The following CPNE9 variants were observed in gnomAD, a reference collection of about 807,000 sequenced individuals.
CPNE9 encodes the protein copine family member 9.
Under a neutral mutation model 83.0 loss-of-function variants are expected in CPNE9, and 59 were observed. The observed-to-expected ratio is 0.71, with a 90% CI of 0.58 to 0.88. CPNE9 has a LOEUF of 0.88. CPNE9 is among the 40% of genes least tolerant of loss of function. The pLI, the probability that CPNE9 is intolerant of heterozygous loss-of-function variation, is 0.00. For synonymous variants in CPNE9, 256 were observed against 273.4 expected, an observed-to-expected ratio of 0.94 and a Z score of 0.63; for missense variants, 619 against 720.8, an observed-to-expected ratio of 0.86 and a Z score of 1.62.
At position 9,712,745 on chromosome 3, in the gene CPNE9, G is replaced by A. The variant is rs543337789; in HGVS notation, c.462G>A (p.Leu154=). ...SNCRDIATMQ[L]CANKLDKKDF... ...CCTAGGACATTGCCACCATGCAGCT[G>A]TGTGCAAACAAGCTGGACAAGAAGG... The change falls in exon 9 of 21, where the codon CTG becomes CTA. Residue 154 remains leucine, a synonymous_variant. Transcript: ENST00000383832. The A allele has an allele frequency of 7.4e-6, 12 of 1,614,122 alleles. No homozygotes were observed. The highest frequency in any genetic ancestry group is 5.5e-5 in the South Asian group (5 of 91,080).
At position 9,705,717 on chromosome 3, in the gene CPNE9, G is replaced by A; in HGVS notation, c.298-1G>A. 6.2e-7 allele frequency: 1 copy of A among 1,613,934 alleles called. No individual in the cohort carries two copies. The highest frequency in any genetic ancestry group is 8.5e-7 in the Non-Finnish European group (1 of 1,179,826). ...TTGGCTGCCACTGCTGGGACCTGCA[G>A]AAGGTGAGGCTGAATGGGGCTGGGC... On this transcript the variant is annotated splice_acceptor_variant, in intron 5 of 20. Coordinates refer to ENST00000383832, the MANE Select transcript of CPNE9 (RefSeq NM_153635.3). LOFTEE classifies it high-confidence loss of function.
Position 9,704,637 on chromosome 3 carries a change from T to C in CPNE9, c.109+10T>C. 1 of 1,613,766 alleles carries C rather than the reference T, an allele frequency of 6.2e-7. No homozygotes were observed. The highest frequency in any genetic ancestry group is 8.5e-7 in the Non-Finnish European group (1 of 1,179,768). ...TCCAAGTCCGACCCCAGTAGGCGGC[T>C]CCAGGACCGGGAGGGGGAACTTGGG... On this transcript the variant is annotated intron_variant, in intron 2 of 20. Coordinates refer to ENST00000383832, the MANE Select transcript of CPNE9 (RefSeq NM_153635.3). This position sits in a 1 kb window ranked among gnomAD's most constrained non-coding sequence, Gnocchi z 7.1.
At chr3:9,723,698 C>G (rs1276118428) in intron 17 of CPNE9, among the ~76,000 whole-genome samples, 1 of 152,138 alleles carries the variant, frequency 6.6e-6, no homozygotes, top group Non-Finnish European at 1.5e-5. Context: ...CACGCGCCAC[C>G]AAGCCCAGCT....
At chr3:9,727,234 A>G (rs773357308) in intron 20 of CPNE9, 48 bp downstream of exon 20, 6 of 1,604,256 alleles carry the variant, frequency 3.7e-6, no homozygotes, top group Non-Finnish European at 4.3e-6. Flanking sequence ...CACAGTGAGA[A>G]GAGGCTAAGT....
rs1341469951 is a variant in CPNE9, at chr3:9,712,448, C to T, written c.378-93C>T. ...CAAGGGACTGTCAGTAAATGGCAAA[C>T]TGAATCCCCTGGCCCACCTAACCCC... On this transcript the variant is annotated intron_variant, in intron 7 of 20. Transcript: ENST00000383832. The T allele has an allele frequency of 4.0e-6, 4 of 998,766 alleles. No individual in the cohort carries two copies. In the Admixed American group the frequency reaches 6.8e-5, roughly 17 times the overall value. 61.9% of individuals were successfully genotyped at this position (998,766 alleles called of 1,614,324 possible). A position where few individuals can be genotyped will look rare whatever the true frequency, so the allele number is the denominator to read the frequency against.
At chr3:9,708,087 C>A (rs566077894) in intron 7 of CPNE9, among the ~76,000 whole-genome samples, 1 of 152,306 alleles carries the variant, frequency 6.6e-6, no homozygotes, top group African/African-American at 2.4e-5. Context: ...GCTGGAACTA[C>A]AAGTGGATGC....
Position 9,718,056 on chromosome 3 carries a change from A to G in CPNE9, c.959A>G (p.His320Arg), listed in dbSNP as rs752945937. ...AATCCTCTGCAGCCTACCTCCCTGC[A>G]CTACATGAGTCCCTACCAGCTCAGC... is the stretch of plus-strand genomic sequence containing the variant. Reference protein sequence around the residue: ...NGNPLQPTSLHYMSPYQLSAY... With the variant: ...NGNPLQPTSLRYMSPYQLSAY... The change falls in exon 16 of 21, where the codon CAC becomes CGC. Residue 320 changes from histidine (H) to arginine (R), a missense_variant. Around this residue, in one of 3 missense-constraint regions of CPNE9, gnomAD observed 438 missense variants for 562.9 expected, o/e 0.78. Transcript: ENST00000383832. The G allele has an allele frequency of 6.2e-7, 1 of 1,613,348 alleles. No individual in the cohort carries two copies. Among genetic ancestry groups the G allele is most frequent in the East Asian group, 2.2e-5 (1 of 44,882 alleles).
In CPNE9 at chr3:9,704,570, CTG is replaced by C; in HGVS notation, c.69-15_69-14del. The C allele has an allele frequency of 6.2e-7, 1 of 1,610,876 alleles. No homozygotes were observed. On this transcript the variant is annotated splice_polypyrimidine_tract_variant and intron_variant, in intron 1 of 20. Transcript: ENST00000383832. The surrounding 1 kb of genome is among the most constrained non-coding windows in gnomAD (Gnocchi z 7.1). ...CTCCAGGATGATCCACTCTGTCTGT[CTG>C]TTGCTTTTCTCTAGGAACCTGCTAG...
At chr3:9,705,917 C>A in intron 6 of CPNE9, 70 bp from the exon 7 acceptor site, 3 of 1,526,140 alleles carry the variant, frequency 2.0e-6, no homozygotes, top group Non-Finnish European at 2.7e-6. Flanking sequence ...TGTGCAGGAG[C>A]ATCACTGGGG....
intron 17 of CPNE9, among the ~76,000 whole-genome samples, chr3:9,725,618 G>T (rs1284503263): frequency 1.5e-5 from 2 of 136,410 alleles, no homozygotes; most frequent in Non-Finnish European, 3.1e-5. Flanking sequence ...GTGTATACAT[G>T]TGTATATATA....
At chr3:9,709,735 G>A (rs1308746176) in intron 7 of CPNE9, among the ~76,000 whole-genome samples, 2 of 151,906 alleles carry the variant, frequency 1.3e-5, no homozygotes, top group South Asian at 2.1e-4. Context: ...CACTTTAGGA[G>A]GCCGAGGCCT....
intron 20 of CPNE9, among the ~76,000 whole-genome samples, chr3:9,728,280 G>A (rs936953777): frequency 4.6e-5 from 7 of 152,328 alleles, no homozygotes; most frequent in African/African-American, 1.7e-4. Context: ...TTGAGACCAG[G>A]AGTTTGAGAC....
rs760941356 is a variant in CPNE9 at position 9,718,208 on chromosome 3, C to G, written c.1111C>G (p.Leu371Val). 2 of 1,609,986 alleles carry G rather than the reference C, an allele frequency of 1.2e-6. No homozygotes were observed. The highest frequency in any genetic ancestry group is 1.7e-6 in the Non-Finnish European group (2 of 1,177,744). Residue 371 changes from leucine (L) to valine (V), a missense_variant and splice_region_variant, in exon 16 of 21, where the codon CTG becomes GTG. Transcript: ENST00000383832. Reference protein sequence around the residue: ...PEGRISHQFPLNNNDEDPNCA... With the variant: ...PEGRISHQFPVNNNDEDPNCA... ...GGGACGGATCTCCCACCAGTTCCCC[C>G]TGGTATGGTATTGGCCAGAGCTTAC... is the stretch of plus-strand genomic sequence containing the variant.
chr3:9,707,352 CAAAAAAAA>C (rs779965477), intron 7 of CPNE9, among the ~76,000 whole-genome samples: 3 of 50,990 alleles, frequency 5.9e-5, no homozygotes, highest in East Asian at 1.3e-3. Context: ...GATTCTGTCT[CAAAAAAAA>C]AAAAAAAAAA....
At chr3:9,705,412 C>A in intron 4 of CPNE9, 52 bp from the exon 5 acceptor site, 1 of 861,356 alleles carries the variant, frequency 1.2e-6, no homozygotes. Flanking sequence ...GACCCCTTTC[C>A]ACCCTCTCCC....
intron 17 of CPNE9, 71 bp downstream of exon 17, chr3:9,718,673 C>A: frequency 1.3e-6 from 2 of 1,545,276 alleles, no homozygotes; most frequent in South Asian, 1.2e-5. Context: ...CAAGGATAGT[C>A]AGGAGCACTC....
rs998969834 is a variant in CPNE9 at position 9,718,407 on chromosome 3, G to A, written c.1114-68G>A. The A allele has an allele frequency of 5.8e-6, 9 of 1,554,350 alleles. No individual in the cohort carries two copies. The African/African-American group carries it at 1.1e-4, about 19-fold the overall frequency. ...GACTGATGGAAAAAGGAAGGAGTGA[G>A]CTGGAATCAGAGCACTCCTGCATGT... is the stretch of plus-strand genomic sequence containing the variant. On this transcript the variant is annotated intron_variant, in intron 16 of 20. Transcript: ENST00000383832.
intron 17 of CPNE9, among the ~76,000 whole-genome samples, chr3:9,719,759 C>T (rs1428941469): frequency 6.6e-6 from 1 of 151,656 alleles, no homozygotes; most frequent in Admixed American, 6.6e-5. Context: ...TTTGGGAGGC[C>T]GAGGTGGGTG....
chr3:9,726,778 G>A lies in CPNE9; in HGVS notation c.1402+56G>A, dbSNP rs1048069142. ...CTAAGAACTAAGGAGAAAAGTGGGA[G>A]GGGGTCGGGTACTTGGGCCTGCCTC... On this transcript the variant is annotated intron_variant, in intron 19 of 20. Coordinates refer to ENST00000383832, the MANE Select transcript of CPNE9 (RefSeq NM_153635.3). 13 of 1,495,018 alleles carry A rather than the reference G, an allele frequency of 8.7e-6. No homozygotes were observed. In the African/African-American group the frequency reaches 1.8e-4, roughly 21 times the overall value. 92.6% of individuals were successfully genotyped at this position (1,495,018 alleles called of 1,614,324 possible). A position where few individuals can be genotyped will look rare whatever the true frequency, so the allele number is the denominator to read the frequency against.
Sources: gnomAD v4.1 joint callset for allele counts (sites outside exome capture counted in the v4.1 genomes callset) on GRCh38, gnomAD v4.1.1 for gene constraint, gnomAD v4.1.1 regional missense constraint, Gnocchi (gnomAD v3.1) non-coding constraint, MANE v1.5 for transcripts, NCBI Gene and HGNC (gene_info 2026-07-23, HGNC 2026-07-21) for gene names.